Variants in RTL4 observed in about 807,000 individuals in gnomAD.
RTL4 encodes retrotransposon Gag like 4, also known as retrotransposon Gag-like protein 4.
In RTL4, 4 loss-of-function variants were observed where a neutral mutation model predicts 5.3. The ratio of observed to expected loss-of-function variants is 0.75; its 90% CI spans 0.37 to 1.72. The LOEUF (loss-of-function observed/expected upper bound fraction) is 1.72, where lower values mean the gene tolerates loss of function less well. RTL4 is among the 40% of genes most tolerant of loss of function. The pLI, the probability that RTL4 is intolerant of heterozygous loss-of-function variation, is 0.04. For missense variants in RTL4, 260 were observed against 227.1 expected (o/e 1.14, Z -0.93); for synonymous variants, 98 against 87.3 (o/e 1.12, Z -0.68).
the RTL4 span, among the ~76,000 whole-genome samples, chrX:112,196,144 T>C: frequency 9.0e-6 from 1 of 111,461 alleles, no homozygotes; most frequent in Admixed American, 9.6e-5. Flanking sequence ...ACTTCTCCCA[T>C]CTCTATCTCC....
chrX:112,169,006 T>TTC, the RTL4 span, among the ~76,000 whole-genome samples: 14 of 98,127 alleles, frequency 1.4e-4, no homozygotes, highest in Non-Finnish European at 2.3e-4. Flanking sequence ...TTTCTTTCCT[T>TTC]TCTTTCTTTC....
the RTL4 span, among the ~76,000 whole-genome samples, chrX:112,222,049 G>T: frequency 1.8e-5 from 2 of 111,913 alleles, no homozygotes; most frequent in East Asian, 5.6e-4. Flanking sequence ...CTCTCAGTAT[G>T]AAGGGTAAGT....
the RTL4 span, among the ~76,000 whole-genome samples, chrX:112,164,566 G>A: frequency 1.8e-5 from 2 of 112,480 alleles, no homozygotes; most frequent in African/African-American, 6.5e-5. Context: ...GACAGCCCAG[G>A]CAGGCATGCC....
the RTL4 span, among the ~76,000 whole-genome samples, chrX:112,196,189 A>G: frequency 3.6e-5 from 4 of 111,444 alleles, 1 homozygote; most frequent in South Asian, 1.5e-3. Context: ...TCTGTTCTCT[A>G]TTTCTATAAT....
chrX:112,419,859 G>A, the RTL4 span, among the ~76,000 whole-genome samples: 3 of 108,536 alleles, frequency 2.8e-5, no homozygotes, highest in Non-Finnish European at 5.7e-5. Flanking sequence ...AGAGCTTCTG[G>A]CAAAGGAAAA....
At chrX:112,168,777 C>T in the RTL4 span, among the ~76,000 whole-genome samples, 1 of 111,706 alleles carries the variant, frequency 9.0e-6, no homozygotes, top group African/African-American at 3.3e-5. Flanking sequence ...CTGTGTTTAG[C>T]ATATAATTGA....
At chrX:112,143,922 A>G in the RTL4 span, among the ~76,000 whole-genome samples, 1 of 112,454 alleles carries the variant, frequency 8.9e-6, no homozygotes, top group Non-Finnish European at 1.9e-5. Context: ...AAAATCGTAC[A>G]TATCTGCAAC....
the RTL4 span, among the ~76,000 whole-genome samples, chrX:112,244,868 G>C: frequency 9.0e-6 from 1 of 111,616 alleles, no homozygotes; most frequent in Non-Finnish European, 1.9e-5. Context: ...CTTCCTTCAG[G>C]AGCTCTTGTA....
chrX:112,276,829 A>G, the RTL4 span, among the ~76,000 whole-genome samples: 2 of 111,902 alleles, frequency 1.8e-5, no homozygotes, highest in Non-Finnish European at 3.8e-5. Context: ...TTTTCAGATA[A>G]TAGTAAAAAA....
the RTL4 span, among the ~76,000 whole-genome samples, chrX:112,100,509 C>T: frequency 4.5e-5 from 5 of 111,600 alleles, no homozygotes; most frequent in Non-Finnish European, 7.5e-5. Flanking sequence ...AAAACATTGG[C>T]AGCATTATAA....
At chrX:112,281,549 T>C in the RTL4 span, among the ~76,000 whole-genome samples, 1 of 111,258 alleles carries the variant, frequency 9.0e-6, no homozygotes, top group Non-Finnish European at 1.9e-5. Context: ...ATTTCTGTTT[T>C]TTTAAGGAAC....
At chrX:112,263,535 T>C in the RTL4 span, among the ~76,000 whole-genome samples, 2 of 112,240 alleles carry the variant, frequency 1.8e-5, no homozygotes, top group African/African-American at 3.2e-5. Context: ...CTTTGTTAGA[T>C]TGCACATATA....
chrX:112,337,824 C>T, the RTL4 span, among the ~76,000 whole-genome samples: 5 of 111,029 alleles, frequency 4.5e-5, no homozygotes, highest in South Asian at 3.8e-4. Context: ...GTCTGTAGTC[C>T]TTCAGTGCAT....
the RTL4 span, among the ~76,000 whole-genome samples, chrX:112,108,342 T>A: frequency 5.4e-5 from 6 of 112,146 alleles, no homozygotes; most frequent in South Asian, 2.2e-3. Context: ...TTATATTTTC[T>A]CTTTGGTGAC....
chrX:112,243,345 A>G, the RTL4 span, among the ~76,000 whole-genome samples: 1 of 110,963 alleles, frequency 9.0e-6, no homozygotes, highest in Non-Finnish European at 1.9e-5. Flanking sequence ...TTTGGTTAGT[A>G]GGCTATTAAT....
chrX:112,340,686 G>A, the RTL4 span, among the ~76,000 whole-genome samples: 1 of 109,471 alleles, frequency 9.1e-6, no homozygotes, highest in Admixed American at 9.8e-5. Context: ...AATTCACAGA[G>A]CATTTTTCCT....
At chrX:112,095,156 G>C in the RTL4 span, among the ~76,000 whole-genome samples, 4 of 111,273 alleles carry the variant, frequency 3.6e-5, no homozygotes, top group Non-Finnish European at 7.6e-5. Context: ...ATGAAGAAAG[G>C]AGCAAAAAGT....
At chrX:112,304,620 T>A in the RTL4 span, among the ~76,000 whole-genome samples, 1 of 105,417 alleles carries the variant, frequency 9.5e-6, no homozygotes, top group Non-Finnish European at 1.9e-5. Context: ...ACTCTCTGCT[T>A]ACTAGAATTT....
the RTL4 span, among the ~76,000 whole-genome samples, chrX:112,257,272 T>C: frequency 8.9e-6 from 1 of 111,762 alleles, no homozygotes; most frequent in Non-Finnish European, 1.9e-5. Flanking sequence ...CATATCTATT[T>C]TTCTTGAATG....
Sources: allele counts gnomAD v4.1 joint callset (sites outside exome capture counted in the v4.1 genomes callset), GRCh38; gene constraint gnomAD v4.1.1; transcripts MANE v1.5; gene names NCBI Gene and HGNC (gene_info 2026-07-23, HGNC 2026-07-21).